The following PTPN14 variants were observed in gnomAD, a reference collection of about 807,000 sequenced individuals.
PTPN14 encodes the protein tyrosine-protein phosphatase non-receptor type 14.
In PTPN14, 53 loss-of-function variants were observed where a neutral mutation model predicts 126.8. The observed-to-expected ratio is 0.42, with a 90% CI of 0.34 to 0.53. PTPN14 has a LOEUF of 0.53. Ranked by LOEUF, PTPN14 falls within the 20% of genes least tolerant of loss-of-function variation. PTPN14 has a pLI of 0.08. For synonymous variants in PTPN14, 630 were observed against 599.3 expected (o/e 1.05, Z -0.75); for missense variants, 1,257 against 1,552.9 (o/e 0.81, Z 3.20).
At chr1:214,440,531 T>A (rs1660016651) in intron 3 of PTPN14, among the ~76,000 whole-genome samples, 1 of 152,212 alleles carries the variant, frequency 6.6e-6, no homozygotes, top group South Asian at 2.1e-4. Flanking sequence ...AATCTAGCCC[T>A]CCGGAGTGAT....
Position 214,438,322 on chromosome 1 carries a change from C to T in PTPN14, c.344+13483G>A, listed in dbSNP as rs114221567. Among the ~76,000 whole-genome samples the T allele has an allele frequency of 3.6e-3, 542 of 152,286 alleles. 3 individuals are homozygous for T. The highest frequency in any genetic ancestry group is 0.012 in the African/African-American group (502 of 41,556). Reference sequence around the variant, plus strand: ...CTGATAACCTTAGCCTTCCTACACTCGGCACAGGACAAAGCACCAGGCCGC... The same window carrying T: ...CTGATAACCTTAGCCTTCCTACACTTGGCACAGGACAAAGCACCAGGCCGC... On this transcript the variant is annotated intron_variant, in intron 3 of 18. Transcript: ENST00000366956.
At chr1:214,536,166 T>TAA (rs1655699427) in intron 1 of PTPN14, among the ~76,000 whole-genome samples, 9 of 14,136 alleles carry the variant, frequency 6.4e-4, no homozygotes, top group African/African-American at 2.6e-3. Context: ...AAGGCCGGGG[T>TAA]GGGGTGGGGG....
chr1:214,487,335 A>G (rs1661136662), intron 1 of PTPN14, among the ~76,000 whole-genome samples: 1 of 152,140 alleles, frequency 6.6e-6, no homozygotes, highest in Admixed American at 6.5e-5. Context: ...ATCAAAGACT[A>G]TTACATCCAG....
chr1:214,516,198 C>T (rs1279555199), intron 1 of PTPN14, among the ~76,000 whole-genome samples: 6 of 152,288 alleles, frequency 3.9e-5, no homozygotes, highest in Admixed American at 3.3e-4. Flanking sequence ...CAAATTTTTG[C>T]TTCTACAGTG....
chr1:214,488,398 TA>T (rs1471723513), intron 1 of PTPN14, among the ~76,000 whole-genome samples: 1 of 152,070 alleles, frequency 6.6e-6, no homozygotes, highest in Non-Finnish European at 1.5e-5. Context: ...CCACCTACCA[TA>T]AAACACTTTA....
At chr1:214,381,590 T>C (rs1658473746) in intron 13 of PTPN14, among the ~76,000 whole-genome samples, 1 of 152,240 alleles carries the variant, frequency 6.6e-6, no homozygotes, top group Non-Finnish European at 1.5e-5. Context: ...CTTAAGGTTT[T>C]CCAAAAGTAA....
chr1:214,466,326 A>T (rs1660637220), intron 1 of PTPN14, among the ~76,000 whole-genome samples: 1 of 149,466 alleles, frequency 6.7e-6, no homozygotes, highest in Non-Finnish European at 1.5e-5. Flanking sequence ...CTTAAAAATC[A>T]CAACTCTTTG....
intron 18 of PTPN14, among the ~76,000 whole-genome samples, chr1:214,360,739 C>G (rs530808578): frequency 1.3e-5 from 2 of 152,286 alleles, no homozygotes; most frequent in East Asian, 3.9e-4. Context: ...GGGAAGTGGG[C>G]ACATTACTTC....
At chr1:214,387,043 G>A in intron 11 of PTPN14, 121 bp from the exon 12 acceptor site, 2 of 826,136 alleles carry the variant, frequency 2.4e-6, no homozygotes, top group Non-Finnish European at 3.9e-6. Flanking sequence ...GGCAGCTGCT[G>A]TCCCTGCCAC....
Position 214,438,795 on chromosome 1 carries a change from C to G in PTPN14, c.344+13010G>C, listed in dbSNP as rs534365309. Among the ~76,000 whole-genome samples, 5 of 152,300 alleles carry G rather than the reference C, an allele frequency of 3.3e-5. No individual in the cohort carries two copies. In the East Asian group the frequency reaches 9.6e-4, roughly 29 times the overall value. ...AGGTGACTGATACCAGCACAGCTCT[C>G]TGAGGGATGCAGCAGTTTCCTGCTA... On this transcript the variant is annotated intron_variant, in intron 3 of 18. Transcript: ENST00000366956.
chr1:214,357,706 T>C lies in PTPN14; in HGVS notation c.*216A>G, dbSNP rs548126575. The C allele has an allele frequency of 2.0e-4, 89 of 441,642 alleles. No individual in the cohort carries two copies. The highest frequency in any genetic ancestry group is 1.5e-3 in the African/African-American group (75 of 50,648). 27.4% of individuals were successfully genotyped at this position (441,642 alleles called of 1,614,324 possible). ...CTATATTACTAGGGAAACTGCATTA[T>C]AATAATTCACAAAAGTTATTCCAAA... On this transcript the variant is annotated 3_prime_UTR_variant, in exon 19 of 19. Transcript: ENST00000366956.
At chr1:214,499,915 C>T (rs1002527717) in intron 1 of PTPN14, among the ~76,000 whole-genome samples, 1 of 151,952 alleles carries the variant, frequency 6.6e-6, no homozygotes, top group Non-Finnish European at 1.5e-5. Context: ...AACTCTTACC[C>T]TCGTGACACT....
intron 1 of PTPN14, among the ~76,000 whole-genome samples, chr1:214,473,170 A>G (rs1289620674): frequency 5.3e-5 from 8 of 152,370 alleles, no homozygotes; most frequent in African/African-American, 1.9e-4. Context: ...AGTTAAAAAC[A>G]CAAAGCAAAG....
chr1:214,501,030 G>A (rs1255189799), intron 1 of PTPN14, among the ~76,000 whole-genome samples: 2 of 152,146 alleles, frequency 1.3e-5, no homozygotes, highest in Admixed American at 1.3e-4. Flanking sequence ...ATATAGCAAA[G>A]ATAAAAATGT....
intron 12 of PTPN14, among the ~76,000 whole-genome samples, chr1:214,385,241 G>A (rs1198138694): frequency 6.6e-6 from 1 of 152,102 alleles, no homozygotes; most frequent in Non-Finnish European, 1.5e-5. Flanking sequence ...TGACGGCAAT[G>A]GAAAAAGCCC....
intron 3 of PTPN14, among the ~76,000 whole-genome samples, chr1:214,449,076 G>A (rs1660214033): frequency 1.5e-5 from 2 of 133,652 alleles, no homozygotes; most frequent in South Asian, 2.5e-4. Flanking sequence ...GCGCTATCCC[G>A]GCTCACTGCA....
At chr1:214,396,085 A>T (rs992567402) in intron 8 of PTPN14, among the ~76,000 whole-genome samples, 3 of 152,180 alleles carry the variant, frequency 2.0e-5, no homozygotes, top group Non-Finnish European at 2.9e-5. Flanking sequence ...CCAAGCACTG[A>T]ATCGAGTACC....
chr1:214,499,492 A>G (rs78154676), intron 1 of PTPN14, among the ~76,000 whole-genome samples: 8,461 of 152,260 alleles, frequency 0.056, 259 homozygotes, highest in Middle Eastern at 0.13. Context: ...AGCAGGAGTG[A>G]AATGAAAACT....
intron 1 of PTPN14, among the ~76,000 whole-genome samples, chr1:214,506,830 G>C (rs920587117): frequency 2.0e-5 from 3 of 151,004 alleles, no homozygotes; most frequent in Non-Finnish European, 4.4e-5. Flanking sequence ...TTCCAGTCCA[G>C]ATGACTGGTC....
Sources: allele counts gnomAD v4.1 joint callset (sites outside exome capture counted in the v4.1 genomes callset), GRCh38; gene constraint gnomAD v4.1.1; transcripts MANE v1.5; gene names NCBI Gene and HGNC (gene_info 2026-07-23, HGNC 2026-07-21).